The following ARHGEF10L variants were observed in gnomAD, a reference collection of about 807,000 sequenced individuals.
ARHGEF10L encodes the protein rho guanine nucleotide exchange factor 10-like protein.
Under a neutral mutation model 141.2 loss-of-function variants are expected in ARHGEF10L, and 69 were observed. That is an observed-to-expected ratio of 0.49 (90% CI 0.40 to 0.60). ARHGEF10L has a LOEUF of 0.60. Ranked by LOEUF, ARHGEF10L falls within the 20% of genes least tolerant of loss-of-function variation. The pLI is 0.00. For synonymous variants in ARHGEF10L, 711 were observed against 718.5 expected (o/e 0.99, Z 0.17); for missense variants, 1,482 against 1,734.3 (o/e 0.85, Z 2.58).
At position 17,655,947 on chromosome 1, in the gene ARHGEF10L, C is replaced by T; in HGVS notation, c.2550C>T (p.Arg850=). ...EIFSLNRPSP[R]TVKSFPLAAP... ...TTTCCTTGAACCGGCCCTCGCCCCG[C>T]ACCGTCAAGTCCTTCCCACTGGCAG... Residue 850 remains arginine (R), a synonymous_variant, in exon 24 of 29, where the codon CGC becomes CGT. Coordinates refer to ENST00000361221, the MANE Select transcript of ARHGEF10L (RefSeq NM_018125.4). 2 of 1,560,826 alleles carry T rather than the reference C, an allele frequency of 1.3e-6. No homozygotes were observed. The highest frequency in any genetic ancestry group is 1.7e-6 in the Non-Finnish European group (2 of 1,151,926).
At chr1:17,655,509 T>G (rs2062188222) in intron 23 of ARHGEF10L, among the ~76,000 whole-genome samples, 1 of 151,962 alleles carries the variant, frequency 6.6e-6, no homozygotes, top group African/African-American at 2.4e-5. Context: ...CAAGAATATA[T>G]TGAGTATGTA....
At position 17,685,167 on chromosome 1, in the gene ARHGEF10L, G is replaced by A. The variant is rs567560333; in HGVS notation, c.3010-2406G>A. On this transcript the variant is annotated intron_variant, in intron 26 of 28. Coordinates refer to ENST00000361221, the MANE Select transcript of ARHGEF10L (RefSeq NM_018125.4). ...CTTGCTAAGCCCACGCGAGGTCTTC[G>A]GGGGCTGGACAAAGAAGCCAGCCTT... 4.6e-5 allele frequency among the ~76,000 whole-genome samples: 7 copies of A among 152,302 alleles called. No individual in the cohort carries two copies. The East Asian group carries it at 7.7e-4, about 17-fold the overall frequency.
intron 15 of ARHGEF10L, among the ~76,000 whole-genome samples, chr1:17,629,598 G>A (rs950552488): frequency 3.9e-5 from 6 of 152,200 alleles, no homozygotes; most frequent in African/African-American, 1.2e-4. Context: ...ACGAGATGGG[G>A]AGGGGACAGC....
chr1:17,675,168 T>C (rs1314653420), intron 26 of ARHGEF10L, among the ~76,000 whole-genome samples: 1 of 152,178 alleles, frequency 6.6e-6, no homozygotes, highest in African/African-American at 2.4e-5. Context: ...GTCGCATCAA[T>C]TCTGACCTTT....
At chr1:17,522,796 C>T in the ARHGEF10L span, among the ~76,000 whole-genome samples, 2 of 152,118 alleles carry the variant, frequency 1.3e-5, no homozygotes, top group East Asian at 3.9e-4. Flanking sequence ...TCCCTCCCCC[C>T]TGGAAGGTGA....
intron 1 of ARHGEF10L, among the ~76,000 whole-genome samples, chr1:17,574,306 G>A (rs964741560): frequency 2.0e-5 from 3 of 152,184 alleles, no homozygotes; most frequent in Non-Finnish European, 1.5e-5. Flanking sequence ...TCAGTATGGG[G>A]CCCGGTGCAG....
rs1411908946 is a variant in ARHGEF10L, at chr1:17,656,996, G to T, written c.2860+288G>T. 6.6e-6 allele frequency among the ~76,000 whole-genome samples: 1 copy of T among 152,152 alleles called. No homozygotes were observed. The highest frequency in any genetic ancestry group is 2.4e-5 in the African/African-American group (1 of 41,432). ...GCAGGTTGGAGAGACCTGGCTTCCC[G>T]TTCAGGCTTTGCCCGATGACAGCTG... On this transcript the variant is annotated intron_variant, in intron 25 of 28. Coordinates refer to ENST00000361221, the MANE Select transcript of ARHGEF10L (RefSeq NM_018125.4). The surrounding 1 kb of genome is among the most constrained non-coding windows in gnomAD (Gnocchi z 4.9).
rs116523958 is a variant in ARHGEF10L, at chr1:17,664,295, C to T, written c.2861-152C>T. 2.7e-3 allele frequency: 2,225 copies of T among 838,184 alleles called. 57 individuals are homozygous for T. In the African/African-American group the frequency reaches 0.036, roughly 14 times the overall value. 51.9% of individuals were successfully genotyped at this position (838,184 alleles called of 1,614,324 possible). Reference sequence around the variant, plus strand: ...GGTGGGAGTCGGAGGCAGATGGGGACAGCCACCACCCAGCTGATGGAGAGA... The same window carrying T: ...GGTGGGAGTCGGAGGCAGATGGGGATAGCCACCACCCAGCTGATGGAGAGA... On this transcript the variant is annotated intron_variant, in intron 25 of 28. Coordinates refer to ENST00000361221, the MANE Select transcript of ARHGEF10L (RefSeq NM_018125.4).
chr1:17,541,310 G>A (rs147188727), intron 1 of ARHGEF10L, among the ~76,000 whole-genome samples: 2 of 152,166 alleles, frequency 1.3e-5, no homozygotes, highest in Non-Finnish European at 2.9e-5. Flanking sequence ...CCCCAGTTGT[G>A]GGGGCGGGGG....
At position 17,638,627 on chromosome 1, in the gene ARHGEF10L, G is replaced by A. The variant is rs1397599933; in HGVS notation, c.2109G>A (p.Glu703=). 1.2e-6 allele frequency: 2 copies of A among 1,614,208 alleles called. No homozygotes were observed. Among genetic ancestry groups the A allele is most frequent in the Admixed American group, 1.7e-5 (1 of 60,030 alleles). The change falls in exon 20 of 29, where the codon GAG becomes GAA. Residue 703 remains glutamate (E), a synonymous_variant. Transcript: ENST00000361221. ...TGCAGAGGCTGATGCGGGTGAAGGAGGAAGAGATCCACTCGGCCAACAAGT... is the reference window on the plus strand; with the variant it reads ...TGCAGAGGCTGATGCGGGTGAAGGAAGAAGAGATCCACTCGGCCAACAAGT... ...LALQRLMRVK[E]EEIHSANKCR...
In ARHGEF10L at chr1:17,619,970, G is replaced by C. The variant is rs2060019088; in HGVS notation, c.942+525G>C. Among the ~76,000 whole-genome samples, 2 of 151,964 alleles carry C rather than the reference G, an allele frequency of 1.3e-5. No homozygotes were observed. Among genetic ancestry groups the C allele is most frequent in the Admixed American group, 1.3e-4 (2 of 15,274 alleles). On this transcript the variant is annotated intron_variant, in intron 10 of 28. Coordinates refer to ENST00000361221, the MANE Select transcript of ARHGEF10L (RefSeq NM_018125.4). The surrounding 1 kb of genome is among the most constrained non-coding windows in gnomAD (Gnocchi z 5.0). The stretch of plus-strand genomic sequence containing the variant: ...TTGGGAGGGTGAAGCCGGTGGGTCA[G>C]CTGAGGTCAGGAGTTCGAGACCATC...
rs1057319419 is a variant in ARHGEF10L, at chr1:17,634,468, C to T, written c.1731-80C>T. On this transcript the variant is annotated intron_variant, in intron 16 of 28. Transcript: ENST00000361221. ...TCCCGATGCCCAGCCCCATGGCTGG[C>T]CCCCAGCGGGGTCACAGCCCCCAGA... is the stretch of plus-strand genomic sequence containing the variant. 8.7e-6 allele frequency: 14 copies of T among 1,608,472 alleles called. No individual in the cohort carries two copies. The South Asian group carries it at 1.2e-4, about 14-fold the overall frequency.
intron 16 of ARHGEF10L, 80 bp downstream of exon 16, chr1:17,632,546 C>A: frequency 6.3e-7 from 1 of 1,577,726 alleles, no homozygotes; most frequent in Non-Finnish European, 8.7e-7. Flanking sequence ...CTTGGCCGGC[C>A]GCACTACAGT....
chr1:17,577,354 G>A (rs778208999), intron 1 of ARHGEF10L, among the ~76,000 whole-genome samples: 1 of 152,196 alleles, frequency 6.6e-6, no homozygotes, highest in Non-Finnish European at 1.5e-5. Flanking sequence ...CCTGAAGTGG[G>A]TACTTTTTAA....
intron 21 of ARHGEF10L, among the ~76,000 whole-genome samples, chr1:17,643,390 T>C (rs80179883): frequency 0.024 from 3,715 of 152,198 alleles, 56 homozygotes; most frequent in South Asian, 0.065. Flanking sequence ...CCCTGGGGAA[T>C]CTGGGGACCC....
intron 4 of ARHGEF10L, among the ~76,000 whole-genome samples, chr1:17,598,440 T>A (rs1352312961): frequency 2.0e-5 from 3 of 151,996 alleles, no homozygotes; most frequent in African/African-American, 4.8e-5. Flanking sequence ...GGCTGGGAGG[T>A]CCAAGATCAG....
rs2062085453 is a variant in ARHGEF10L at position 17,654,026 on chromosome 1, C to T, written c.2395-610C>T. The stretch of plus-strand genomic sequence containing the variant: ...CAGCCAAGAGCAGTCTCTACTCTGT[C>T]TTCTCCTTCAGTGTGGCCCATGAGT... On this transcript the variant is annotated intron_variant, in intron 22 of 28. Coordinates refer to ENST00000361221, the MANE Select transcript of ARHGEF10L (RefSeq NM_018125.4). The surrounding 1 kb of genome is among the most constrained non-coding windows in gnomAD (Gnocchi z 4.3). Among the ~76,000 whole-genome samples the T allele has an allele frequency of 6.6e-6, 1 of 152,260 alleles. No individual in the cohort carries two copies. The highest frequency in any genetic ancestry group is 2.4e-5 in the African/African-American group (1 of 41,480).
intron 17 of ARHGEF10L, 65 bp from the exon 18 acceptor site, chr1:17,634,770 C>G: frequency 2.6e-6 from 4 of 1,520,956 alleles, no homozygotes; most frequent in Non-Finnish European, 3.5e-6. Context: ...GAGCAATGCC[C>G]TGGGCCAGCC....
intron 21 of ARHGEF10L, among the ~76,000 whole-genome samples, chr1:17,641,088 C>T (rs2061304776): frequency 6.6e-6 from 1 of 152,168 alleles, no homozygotes; most frequent in African/African-American, 2.4e-5. Context: ...AGTCTCGATC[C>T]CCATCCATTC....
Sources: allele counts gnomAD v4.1 joint callset (sites outside exome capture counted in the v4.1 genomes callset), GRCh38; gene constraint gnomAD v4.1.1; non-coding constraint Gnocchi (gnomAD v3.1); transcripts MANE v1.5; gene names NCBI Gene and HGNC (gene_info 2026-07-23, HGNC 2026-07-21).